The following NUP210 variants were observed in gnomAD, a reference collection of about 807,000 sequenced individuals.
The protein encoded by NUP210 is nuclear pore membrane glycoprotein 210.
A neutral mutation model predicts 196.0 loss-of-function variants in NUP210; 151 were observed. That is an observed-to-expected ratio of 0.77 (90% CI 0.67 to 0.88). The LOEUF (loss-of-function observed/expected upper bound fraction) is 0.88, where lower values mean the gene tolerates loss of function less well. Ranked by LOEUF, NUP210 falls within the 40% of genes least tolerant of loss-of-function variation. The pLI, the probability that NUP210 is intolerant of heterozygous loss-of-function variation, is 0.00. For missense variants in NUP210, 2,314 were observed against 2,493.7 expected (o/e 0.93, Z 1.53); for synonymous variants, 1,070 against 1,052.7 (o/e 1.02, Z -0.32).
chr3:13,383,969 T>C (rs551292423), intron 6 of NUP210, among the ~76,000 whole-genome samples: 4 of 152,166 alleles, frequency 2.6e-5, no homozygotes, highest in South Asian at 2.1e-4. Flanking sequence ...GCCCTGTTTT[T>C]GTTTGTTTGT....
At chr3:13,402,440 C>T (rs1038759671) in intron 1 of NUP210, among the ~76,000 whole-genome samples, 1 of 152,152 alleles carries the variant, frequency 6.6e-6, no homozygotes, top group Non-Finnish European at 1.5e-5. Context: ...TGCTTCATAA[C>T]AGCAGTGTAT....
At chr3:13,408,478 C>T (rs1308333496) in intron 1 of NUP210, among the ~76,000 whole-genome samples, 1 of 152,140 alleles carries the variant, frequency 6.6e-6, no homozygotes, top group African/African-American at 2.4e-5. Flanking sequence ...GCCATCTGGG[C>T]TTACAGTTTT....
At chr3:13,400,654 C>T (rs978770377) in intron 1 of NUP210, among the ~76,000 whole-genome samples, 1 of 152,244 alleles carries the variant, frequency 6.6e-6, no homozygotes, top group Admixed American at 6.5e-5. Context: ...GTGCTGTCTA[C>T]AGACAGGCTC....
chr3:13,388,328 G>A lies in NUP210; in HGVS notation c.659C>T (p.Ala220Val). Residue 220 changes from alanine to valine, a missense_variant, in exon 5 of 40, where the codon GCT becomes GTT. Ala to Val is a moderately conservative substitution (Grantham distance 64). Transcript: ENST00000254508. ...CTTGTAGACAGCCTCCTGGATGCGA[G>A]CCTTGAGCTTGGAGCTCCCGGTCTT... Reference protein sequence around the residue: ...GMKTGSSKLKARIQEAVYKNV... With the variant: ...GMKTGSSKLKVRIQEAVYKNV... 3 of 1,611,048 alleles carry A rather than the reference G, an allele frequency of 1.9e-6. No homozygotes were observed. The highest frequency in any genetic ancestry group is 2.5e-6 in the Non-Finnish European group (3 of 1,178,780).
intron 3 of NUP210, among the ~76,000 whole-genome samples, chr3:13,392,668 T>C (rs995376519): frequency 1.3e-5 from 2 of 152,184 alleles, no homozygotes; most frequent in Non-Finnish European, 2.9e-5. Context: ...GAGGAGCTCA[T>C]CGCCCAGCAC....
chr3:13,413,249 C>G (rs1343868750), intron 1 of NUP210, among the ~76,000 whole-genome samples: 1 of 151,264 alleles, frequency 6.6e-6, no homozygotes, highest in African/African-American at 2.4e-5. Flanking sequence ...GGGCGGATCA[C>G]GAGGTCAGGA....
chr3:13,388,588 G>T, intron 4 of NUP210, 135 bp from the exon 5 acceptor site: 3 of 884,692 alleles, frequency 3.4e-6, no homozygotes, highest in Non-Finnish European at 4.9e-6. Flanking sequence ...CCTAGTCAGG[G>T]CTGGGGCTGC....
intron 20 of NUP210, among the ~76,000 whole-genome samples, chr3:13,344,491 C>T (rs1697644443): frequency 6.6e-6 from 1 of 151,876 alleles, no homozygotes; most frequent in Non-Finnish European, 1.5e-5. Flanking sequence ...GTAAGCACTT[C>T]AGGGTTTGCA....
At chr3:13,329,018 A>C in intron 30 of NUP210, 72 bp from the exon 31 acceptor site, 2 of 1,374,916 alleles carry the variant, frequency 1.5e-6, no homozygotes, top group Non-Finnish European at 2.0e-6. Context: ...CCACCTCCCA[A>C]GGAGGGGACA....
chr3:13,341,574 T>C (rs1158994739), intron 23 of NUP210, among the ~76,000 whole-genome samples, 174 bp downstream of exon 23: 5 of 152,208 alleles, frequency 3.3e-5, no homozygotes, highest in African/African-American at 1.2e-4. Context: ...AGTCTAACTT[T>C]GCTGCCTCCC....
chr3:13,340,411 T>G lies in NUP210; in HGVS notation c.3229-113A>C. On this transcript the variant is annotated intron_variant, in intron 23 of 39. Transcript: ENST00000254508. This position sits in a 1 kb window ranked among gnomAD's most constrained non-coding sequence, Gnocchi z 4.0. The stretch of plus-strand genomic sequence containing the variant: ...GAAAACCTGGGACATGGACATCACT[T>G]CTCTCTGAGCAGTGACCAGAGGGCC... The G allele has an allele frequency of 2.2e-6, 2 of 930,156 alleles. No individual in the cohort carries two copies. Among genetic ancestry groups the G allele is most frequent in the Non-Finnish European group, 3.4e-6 (2 of 589,928 alleles). 57.6% of individuals were successfully genotyped at this position (930,156 alleles called of 1,614,324 possible).
chr3:13,402,258 TG>T (rs563981135), intron 1 of NUP210, among the ~76,000 whole-genome samples: 25 of 152,124 alleles, frequency 1.6e-4, no homozygotes, highest in African/African-American at 6.0e-4. Flanking sequence ...ATAAAGTCTA[TG>T]GGGGGAAAAG....
chr3:13,328,147 C>T (rs1014401458), intron 31 of NUP210, among the ~76,000 whole-genome samples: 1 of 152,224 alleles, frequency 6.6e-6, no homozygotes. Context: ...GAGAACTGGG[C>T]TCCATTTCCT....
intron 32 of NUP210, among the ~76,000 whole-genome samples, 176 bp downstream of exon 32, chr3:13,327,041 C>T (rs1271817571): frequency 6.6e-6 from 1 of 152,248 alleles, no homozygotes; most frequent in Non-Finnish European, 1.5e-5. Flanking sequence ...TTGCAGAAAA[C>T]AGGCACAGGC....
At chr3:13,363,625 G>A (rs985739555) in intron 14 of NUP210, among the ~76,000 whole-genome samples, 1 of 152,162 alleles carries the variant, frequency 6.6e-6, no homozygotes, top group African/African-American at 2.4e-5. Context: ...TATTCCTCAC[G>A]TGCAACAGAG....
At position 13,391,344 on chromosome 3, in the gene NUP210, G is replaced by A. The variant is rs376497543; in HGVS notation, c.437-37C>T. On this transcript the variant is annotated intron_variant, in intron 3 of 39. Coordinates refer to ENST00000254508, the MANE Select transcript of NUP210 (RefSeq NM_024923.4). ...GATGGGAGAGGCAGACAGATATGGA[G>A]TTAATTTCCCAGGGTGGAGGGAGGC... 524 of 1,424,438 alleles carry A rather than the reference G, an allele frequency of 3.7e-4. 2 individuals are homozygous for A. In the Middle Eastern group the frequency reaches 7.1e-3, roughly 19 times the overall value. The allele number at this position is 1,424,438 out of a possible 1,614,324, so 88.2% of individuals were successfully genotyped here.
chr3:13,412,264 C>G (rs966442068), intron 1 of NUP210, among the ~76,000 whole-genome samples: 4 of 125,150 alleles, frequency 3.2e-5, no homozygotes, highest in African/African-American at 1.4e-4. Context: ...GACAGGGTTT[C>G]GCTATGTTGC....
At position 13,340,323 on chromosome 3, in the gene NUP210, G is replaced by A. The variant is rs919668052; in HGVS notation, c.3229-25C>T. ...CCTGTTGAGAGACACAGGAGAGAAA[G>A]GACTACTGTGCCCCAAGCCCATGGC... On this transcript the variant is annotated intron_variant, in intron 23 of 39. Transcript: ENST00000254508. The surrounding 1 kb of genome is among the most constrained non-coding windows in gnomAD (Gnocchi z 4.0). 7 of 1,605,488 alleles carry A rather than the reference G, an allele frequency of 4.4e-6. No homozygotes were observed. The highest frequency in any genetic ancestry group is 6.0e-6 in the Non-Finnish European group (7 of 1,173,038).
At chr3:13,367,123 T>C (rs1304480020) in intron 13 of NUP210, among the ~76,000 whole-genome samples, 1 of 135,696 alleles carries the variant, frequency 7.4e-6, no homozygotes, top group African/African-American at 2.8e-5. Flanking sequence ...TGAAACTCTG[T>C]CTCAAAAGAA....
Sources: allele counts gnomAD v4.1 joint callset (sites outside exome capture counted in the v4.1 genomes callset), GRCh38; gene constraint gnomAD v4.1.1; non-coding constraint Gnocchi (gnomAD v3.1); transcripts MANE v1.5; gene names NCBI Gene and HGNC (gene_info 2026-07-23, HGNC 2026-07-21).